The following DOCK2 variants were observed in gnomAD, a reference collection of about 807,000 sequenced individuals.
The protein encoded by DOCK2 is dedicator of cytokinesis protein 2.
A neutral mutation model predicts 248.9 loss-of-function variants in DOCK2; 87 were observed. The ratio of observed to expected loss-of-function variants is 0.35; its 90% CI spans 0.29 to 0.42. The LOEUF is 0.42. Ranked by LOEUF, DOCK2 falls within the 10% of genes least tolerant of loss-of-function variation. The pLI is 1.00. For synonymous variants in DOCK2, 805 were observed against 821.6 expected (o/e 0.98, Z 0.35); for missense variants, 1,747 against 2,300.2 (o/e 0.76, Z 4.92).
Position 170,051,148 on chromosome 5 carries a change from A to C in DOCK2, c.4213+751A>C, listed in dbSNP as rs544487350. Among the ~76,000 whole-genome samples the C allele has an allele frequency of 3.9e-4, 59 of 152,356 alleles. 1 individual carries two copies. The South Asian group carries it at 0.012, about 30-fold the overall frequency. On this transcript the variant is annotated intron_variant, in intron 41 of 51. Coordinates refer to ENST00000520908, the MANE Select transcript of DOCK2 (RefSeq NM_004946.3). Reference sequence around the variant, plus strand: ...TAGCAGGAAGTGGGGAGAATATCCCAGACAGAAGGAAGAACACTTGTGTGC... The same window carrying C: ...TAGCAGGAAGTGGGGAGAATATCCCCGACAGAAGGAAGAACACTTGTGTGC...
At chr5:169,684,109 C>G (rs998656232) in intron 7 of DOCK2, 87 bp from the exon 8 acceptor site, 2 of 1,524,636 alleles carry the variant, frequency 1.3e-6, no homozygotes, top group African/African-American at 2.7e-5. Flanking sequence ...AGGCTTGAAC[C>G]CAATATCCTT....
chr5:169,701,674 T>C (rs1055565425), intron 13 of DOCK2, among the ~76,000 whole-genome samples: 1 of 151,990 alleles, frequency 6.6e-6, no homozygotes, highest in Non-Finnish European at 1.5e-5. Flanking sequence ...GCCACCACAC[T>C]CGGCTAATTT....
intron 35 of DOCK2, among the ~76,000 whole-genome samples, chr5:170,034,795 C>T (rs1410263937): frequency 2.0e-5 from 3 of 152,172 alleles, no homozygotes; most frequent in Admixed American, 6.5e-5. Flanking sequence ...TTCCCTTTAG[C>T]ACTCAACACA....
intron 32 of DOCK2, among the ~76,000 whole-genome samples, chr5:170,015,160 C>A (rs1183581383): frequency 6.6e-6 from 1 of 152,204 alleles, no homozygotes; most frequent in East Asian, 1.9e-4. Flanking sequence ...AAAGTACTTA[C>A]CATCAGCAGC....
intron 27 of DOCK2, among the ~76,000 whole-genome samples, chr5:169,963,680 C>G (rs1777183008): frequency 6.6e-6 from 1 of 152,110 alleles, no homozygotes; most frequent in African/African-American, 2.4e-5. Context: ...TCTTGGGAGT[C>G]TCTTTTCACC....
chr5:169,981,873 C>T (rs1777947304), intron 27 of DOCK2, among the ~76,000 whole-genome samples: 1 of 152,124 alleles, frequency 6.6e-6, no homozygotes, highest in African/African-American at 2.4e-5. Context: ...AGAGTGTTAA[C>T]ATAACTTTTA....
chr5:170,017,244 A>G (rs1166403591), intron 32 of DOCK2, among the ~76,000 whole-genome samples: 2 of 152,058 alleles, frequency 1.3e-5, no homozygotes, highest in African/African-American at 4.8e-5. Context: ...GAGTTTCTGC[A>G]CCCTGAGGTG....
chr5:169,751,975 C>T (rs954348808), intron 23 of DOCK2, among the ~76,000 whole-genome samples: 7 of 137,502 alleles, frequency 5.1e-5, no homozygotes, highest in African/African-American at 2.0e-4. Flanking sequence ...CCATCCAGGT[C>T]ATCTGCCTCC....
At chr5:169,770,734 A>AT (rs111323514) in intron 25 of DOCK2, among the ~76,000 whole-genome samples, 19,060 of 151,968 alleles carry the variant, frequency 0.13, 1,744 homozygotes, top group Admixed American at 0.3. Flanking sequence ...GAAGGAATTT[A>AT]TTTTTTTTAC....
At chr5:169,665,673 T>C (rs1442288891) in intron 2 of DOCK2, among the ~76,000 whole-genome samples, 1 of 152,210 alleles carries the variant, frequency 6.6e-6, no homozygotes, top group Admixed American at 6.5e-5. Flanking sequence ...TTTTTAACTT[T>C]GTCTAAAAAA....
chr5:170,025,790 CCCTTCCTTCCTTCCTT>C (rs1193226351), intron 33 of DOCK2, among the ~76,000 whole-genome samples: 6 of 67,542 alleles, frequency 8.9e-5, no homozygotes, highest in African/African-American at 2.6e-4. Flanking sequence ...CTCCTTCCCT[CCCTTCCTTCCTTCCTT>C]CCTTCCTTCC....
Position 169,717,494 on chromosome 5 carries a change from T to A in DOCK2, c.2132+10T>A, listed in dbSNP as rs377582087. ...CGACCTTGGCTTACAAGTAAGTAATTGTGCACATGGGAACTTCTTCTCTAC... is the reference window on the plus strand; with the variant it reads ...CGACCTTGGCTTACAAGTAAGTAATAGTGCACATGGGAACTTCTTCTCTAC... On this transcript the variant is annotated intron_variant, in intron 21 of 51. Coordinates refer to ENST00000520908, the MANE Select transcript of DOCK2 (RefSeq NM_004946.3). The A allele has an allele frequency of 2.2e-4, 362 of 1,612,700 alleles. No individual in the cohort carries two copies. Among genetic ancestry groups the A allele is most frequent in the Non-Finnish European group, 3.0e-4 (350 of 1,178,894 alleles).
At chr5:170,056,334 G>A in intron 42 of DOCK2, 1 of 190,548 alleles carries the variant, frequency 5.2e-6, no homozygotes, top group Non-Finnish European at 1.1e-5. Flanking sequence ...ATCCTTTGAG[G>A]ACACCTCTGG....
intron 27 of DOCK2, among the ~76,000 whole-genome samples, chr5:169,931,122 C>T (rs549690269): frequency 3.3e-4 from 50 of 152,306 alleles, no homozygotes; most frequent in African/African-American, 1.2e-3. Flanking sequence ...AATGATGCTA[C>T]TAACACCCTT....
chr5:169,735,730 A>G (rs374925390), intron 22 of DOCK2, among the ~76,000 whole-genome samples: 1 of 152,182 alleles, frequency 6.6e-6, no homozygotes, highest in African/African-American at 2.4e-5. Flanking sequence ...AAGCACACCT[A>G]CTTTAGCCAA....
At chr5:169,929,359 G>A (rs371775752) in intron 27 of DOCK2, among the ~76,000 whole-genome samples, 14 of 152,164 alleles carry the variant, frequency 9.2e-5, no homozygotes, top group Middle Eastern at 3.4e-3. Context: ...CTTTTTACAC[G>A]TAGATTTTCC....
Position 169,804,907 on chromosome 5 carries a change from G to T in DOCK2, c.2703+1701G>T, listed in dbSNP as rs567158030. ...AGCTTAGATATTCTAGATTCATTCA[G>T]ATGATGATGTTAGGGTGATGATGTT... On this transcript the variant is annotated intron_variant, in intron 26 of 51. Transcript: ENST00000520908. 2.0e-5 allele frequency among the ~76,000 whole-genome samples: 3 copies of T among 152,326 alleles called. No individual in the cohort carries two copies. The South Asian group carries it at 6.2e-4, about 32-fold the overall frequency.
rs1184326815 is a variant in DOCK2, at chr5:169,674,427, A to G, written c.452A>G (p.Lys151Arg). 4 of 1,614,142 alleles carry G rather than the reference A, an allele frequency of 2.5e-6. No individual in the cohort carries two copies. In the Admixed American group the frequency reaches 5.0e-5, roughly 20 times the overall value. ...GAACTGAAGCAGAAAGTCACGTCCA[A>G]AATTGACTATGGCAACAAGTAACCT... is the stretch of plus-strand genomic sequence containing the variant. ...LKELKQKVTS[K>R]IDYGNKILEL... Residue 151 changes from lysine to arginine, a missense_variant, in exon 6 of 52, where the codon AAA (lysine) becomes AGA (arginine). Around this residue, in one of 4 missense-constraint regions of DOCK2, gnomAD observed 375 missense variants for 510.9 expected, o/e 0.73. Coordinates refer to ENST00000520908, the MANE Select transcript of DOCK2 (RefSeq NM_004946.3).
At chr5:170,080,486 C>A in intron 50 of DOCK2, 1 of 733,636 alleles carries the variant, frequency 1.4e-6, no homozygotes, top group Middle Eastern at 4.0e-4. Context: ...CCAGCAAGCT[C>A]CAGCAGGGAC....
Sources: allele counts gnomAD v4.1 joint callset (sites outside exome capture counted in the v4.1 genomes callset), GRCh38; gene constraint gnomAD v4.1.1; regional missense constraint gnomAD v4.1.1; transcripts MANE v1.5; gene names NCBI Gene and HGNC (gene_info 2026-07-23, HGNC 2026-07-21).